Variants in MYH11 observed in about 807,000 individuals in gnomAD.
MYH11 encodes the protein myosin-11.
A neutral mutation model predicts 246.6 loss-of-function variants in MYH11; 80 were observed. The ratio of observed to expected loss-of-function variants is 0.32; its 90% CI spans 0.27 to 0.39. The LOEUF is 0.39. Ranked by LOEUF, MYH11 falls within the 10% of genes least tolerant of loss-of-function variation. MYH11 has a pLI of 1.00. For missense variants in MYH11, 2,158 were observed against 2,546.8 expected (o/e 0.85, Z 3.29); for synonymous variants, 1,071 against 1,015.5 (o/e 1.05, Z -1.04).
In MYH11 at chr16:15,756,417, C is replaced by T; in HGVS notation, c.1673G>A (p.Gly558Asp). 1 of 1,614,164 alleles carries T rather than the reference C, an allele frequency of 6.2e-7. No homozygotes were observed. Among genetic ancestry groups the T allele is most frequent in the Non-Finnish European group, 8.5e-7 (1 of 1,180,036 alleles). ...SFVEKLCTEQ[G>D]SHPKFQKPKQ... ...GGGCTTCTGGAACTTGGGGTGGCTG[C>T]CCTGCTCCGTGCACAGCTTCTCCAC... Residue 558 changes from glycine to aspartate, a missense_variant, in exon 14 of 41, where the codon GGC becomes GAC. Physicochemically the swap from Gly to Asp is moderately conservative, Grantham distance 94. This residue lies in a region of MYH11 where 317 missense variants were observed against 507.7 expected (regional missense o/e 0.62). Coordinates refer to ENST00000300036, the MANE Select transcript of MYH11 (RefSeq NM_002474.3).
intron 3 of MYH11, among the ~76,000 whole-genome samples, chr16:15,807,056 G>A (rs2043030967): frequency 6.6e-6 from 1 of 152,070 alleles, no homozygotes; most frequent in African/African-American, 2.4e-5. Flanking sequence ...TGGAACTCCT[G>A]GGCTAACAGA....
chr16:15,793,531 C>T (rs2042663839), intron 4 of MYH11, among the ~76,000 whole-genome samples: 1 of 152,148 alleles, frequency 6.6e-6, no homozygotes, highest in Non-Finnish European at 1.5e-5. Context: ...GGCTTCCAGC[C>T]ACCCTCCCGC....
chr16:15,800,877 G>A lies in MYH11; in HGVS notation c.503-2190C>T, dbSNP rs922695257. ...GGCCTAAAGACTAGTCAGCTCTGGG[G>A]TTTCAATTCTGGTGTGTTTATATAA... is the stretch of plus-strand genomic sequence containing the variant. On this transcript the variant is annotated intron_variant, in intron 3 of 40. Transcript: ENST00000300036. 2.6e-5 allele frequency among the ~76,000 whole-genome samples: 4 copies of A among 152,112 alleles called. No homozygotes were observed. The Middle Eastern group carries it at 0.01, about 388-fold the overall frequency.
Position 15,808,155 on chromosome 16 carries a change from G to A in MYH11, c.503-9468C>T, listed in dbSNP as rs893195011. On this transcript the variant is annotated intron_variant, in intron 3 of 40. Coordinates refer to ENST00000300036, the MANE Select transcript of MYH11 (RefSeq NM_002474.3). ...AAAGTGGCTCTCTACCTAATGCCCC[G>A]CACGGAGGCAGATGCCAGAGGTTCT... Among the ~76,000 whole-genome samples the A allele has an allele frequency of 6.6e-5, 10 of 152,318 alleles. No individual in the cohort carries two copies. The East Asian group carries it at 1.2e-3, about 18-fold the overall frequency.
Position 15,740,188 on chromosome 16 carries a change from C to T in MYH11, c.2860G>A (p.Asp954Asn), listed in dbSNP as rs1181241409. Residue 954 changes from aspartate to asparagine, a missense_variant and splice_region_variant, in exon 23 of 41, where the codon GAC becomes AAC. This residue lies in a region of MYH11 where 284 missense variants were observed against 315.4 expected (regional missense o/e 0.90). Coordinates refer to ENST00000300036, the MANE Select transcript of MYH11 (RefSeq NM_002474.3). ...ERKKMAQQML[D>N]LEEQLEEEEA... ...TCCTCCTCCAGCTGTTCTTCAAGGTCCTTTGTTGTGGAGGGAAAAGAGTAA... is the reference window on the plus strand; with the variant it reads ...TCCTCCTCCAGCTGTTCTTCAAGGTTCTTTGTTGTGGAGGGAAAAGAGTAA... 1 of 1,614,154 alleles carries T rather than the reference C, an allele frequency of 6.2e-7. No homozygotes were observed.
intron 14 of MYH11, among the ~76,000 whole-genome samples, chr16:15,754,556 A>G (rs1007153482): frequency 5.9e-5 from 9 of 152,254 alleles, no homozygotes; most frequent in African/African-American, 2.2e-4. Flanking sequence ...CTATATGCTT[A>G]AAGGAACATA....
At position 15,759,594 on chromosome 16, in the gene MYH11, A is replaced by G; in HGVS notation, c.1383T>C (p.Ala461=). Residue 461 remains alanine (A), a synonymous_variant, in exon 12 of 41, where the codon GCT becomes GCC. Coordinates refer to ENST00000300036, the MANE Select transcript of MYH11 (RefSeq NM_002474.3). ...GCTGTACCTCAAAGATCTCAAATCC[A>G]GCTATATCCAGGATCCCCAGGAAGG... The part of the protein sequence containing the change: ...GASFLGILDI[A]GFEIFEVNSF... 6.2e-7 allele frequency: 1 copy of G among 1,614,140 alleles called. No homozygotes were observed. The highest frequency in any genetic ancestry group is 8.5e-7 in the Non-Finnish European group (1 of 1,180,022).
chr16:15,774,250 G>A (rs181901282), intron 8 of MYH11, among the ~76,000 whole-genome samples: 1 of 152,250 alleles, frequency 6.6e-6, no homozygotes. Flanking sequence ...GCAATATTTG[G>A]TTCTTTCTAA....
chr16:15,846,241 G>A (rs368467814), intron 1 of MYH11, among the ~76,000 whole-genome samples: 8 of 152,096 alleles, frequency 5.3e-5, no homozygotes, highest in African/African-American at 1.9e-4. Context: ...CACAGTACCT[G>A]ACACATTACA....
At chr16:15,799,403 G>A (rs2042829294) in intron 3 of MYH11, among the ~76,000 whole-genome samples, 1 of 152,160 alleles carries the variant, frequency 6.6e-6, no homozygotes, top group African/African-American at 2.4e-5. Flanking sequence ...AAGCAGCCCA[G>A]TTTCTGTCAT....
Position 15,720,975 on chromosome 16 carries a change from T to A in MYH11, c.4655A>T (p.Glu1552Val). 1 of 1,614,100 alleles carries A rather than the reference T, an allele frequency of 6.2e-7. No individual in the cohort carries two copies. Among genetic ancestry groups the A allele is most frequent in the South Asian group, 1.1e-5 (1 of 91,072 alleles). The change falls in exon 33 of 41, where the codon GAG (glutamate) becomes GTG (valine). Residue 1552 changes from glutamate to valine, a missense_variant. Transcript: ENST00000300036. ...EEMKTQLEEL[E>V]DELQATEDAK... The stretch of plus-strand genomic sequence containing the variant: ...GTCCTCCGTGGCTTGCAGCTCGTCC[T>A]CCAGCTCTTCCAGCTGCGTCTTCAT...
At chr16:15,809,363 C>G (rs2043088119) in intron 3 of MYH11, among the ~76,000 whole-genome samples, 1 of 151,866 alleles carries the variant, frequency 6.6e-6, no homozygotes, top group South Asian at 2.1e-4. Flanking sequence ...GAGACCTCAT[C>G]TCTACAAAAA....
chr16:15,724,506 CGTT>C, intron 30 of MYH11, 97 bp from the exon 31 acceptor site: 2 of 1,607,482 alleles, frequency 1.2e-6, no homozygotes, highest in East Asian at 4.5e-5. Flanking sequence ...CATGTCTCCT[CGTT>C]GGAGAAACCC....
chr16:15,734,325 C>T (rs1443396903), intron 26 of MYH11, among the ~76,000 whole-genome samples: 2 of 151,626 alleles, frequency 1.3e-5, no homozygotes, highest in Non-Finnish European at 2.9e-5. Context: ...GATGGAGTCT[C>T]ACTCACTGTG....
At chr16:15,805,866 C>T (rs1056688589) in intron 3 of MYH11, among the ~76,000 whole-genome samples, 25 of 152,196 alleles carry the variant, frequency 1.6e-4, no homozygotes, top group Non-Finnish European at 2.6e-4. Context: ...TAGTAAGCCA[C>T]GACTGCACCA....
intron 2 of MYH11, among the ~76,000 whole-genome samples, chr16:15,828,114 C>T (rs1030172485): frequency 6.6e-6 from 1 of 152,200 alleles, no homozygotes; most frequent in Non-Finnish European, 1.5e-5. Flanking sequence ...GAATTTGAAC[C>T]TTCACTTTGC....
At chr16:15,802,305 T>C (rs1388346512) in intron 3 of MYH11, among the ~76,000 whole-genome samples, 1 of 152,224 alleles carries the variant, frequency 6.6e-6, no homozygotes, top group Non-Finnish European at 1.5e-5. Context: ...CAGCAGCTCC[T>C]GGGGTGGGCA....
chr16:15,806,944 C>A (rs2043027952), intron 3 of MYH11, among the ~76,000 whole-genome samples: 1 of 150,254 alleles, frequency 6.7e-6, no homozygotes, highest in Non-Finnish European at 1.5e-5. Context: ...GCACAAAAGT[C>A]AATAAGATCT....
rs768140376 is a variant in MYH11, at chr16:15,704,041, C to G, written c.5869G>C (p.Glu1957Gln). The G allele has an allele frequency of 7.4e-5, 119 of 1,613,962 alleles. No homozygotes were observed. Among genetic ancestry groups the G allele is most frequent in the Non-Finnish European group, 9.2e-5 (109 of 1,180,026 alleles). ...AAGTCTGCGTCTCGAGTGTCCGTTT[C>G]CTCCTCAGAACCATCTGCATTTTCA... ...VIENADGSEE[E>Q]TDTRDADFNG... The change falls in exon 41 of 41, where the codon GAA (glutamate) becomes CAA (glutamine). Residue 1957 changes from glutamate (E) to glutamine (Q), a missense_variant. By Grantham distance (29) the Glu-to-Gln change is conservative. Transcript: ENST00000300036.
Sources: allele counts gnomAD v4.1 joint callset (sites outside exome capture counted in the v4.1 genomes callset), GRCh38; gene constraint gnomAD v4.1.1; regional missense constraint gnomAD v4.1.1; transcripts MANE v1.5; gene names NCBI Gene and HGNC (gene_info 2026-07-23, HGNC 2026-07-21).